Variants in SPSB4 observed in about 807,000 individuals in gnomAD.
The protein encoded by SPSB4 is splA/ryanodine receptor domain and SOCS box containing 4, also known as SPRY domain-containing SOCS box protein 4.
Under a neutral mutation model 20.9 loss-of-function variants are expected in SPSB4, and 21 were observed. That is an observed-to-expected ratio of 1.01 (90% CI 0.71 to 1.45). The LOEUF is 1.45. Among genes scored for constraint, SPSB4 ranks in the 40% most tolerant of loss-of-function variants. The pLI, the probability that SPSB4 is intolerant of heterozygous loss-of-function variation, is 0.00. For missense variants in SPSB4, 399 were observed against 399.2 expected, an observed-to-expected ratio of 1.00 and a Z score of 0.00; for synonymous variants, 207 against 183.8, an observed-to-expected ratio of 1.13 and a Z score of -1.02.
Position 141,064,628 on chromosome 3 carries a change from G to A in SPSB4, c.-153-1324G>A, listed in dbSNP as rs568013502. 2.6e-5 allele frequency among the ~76,000 whole-genome samples: 4 copies of A among 152,304 alleles called. No homozygotes were observed. The South Asian group carries it at 8.3e-4, about 32-fold the overall frequency. The stretch of plus-strand genomic sequence containing the variant: ...TTTGGCTAGGGGTGTACCACTGTCT[G>A]GGTGGGAGGTTGAGGCTGGGGAGGG... On this transcript the variant is annotated intron_variant, in intron 1 of 2. Coordinates refer to ENST00000310546, the MANE Select transcript of SPSB4 (RefSeq NM_080862.3).
chr3:141,120,904 C>T (rs951617700), intron 2 of SPSB4, among the ~76,000 whole-genome samples: 1 of 152,054 alleles, frequency 6.6e-6, no homozygotes. Flanking sequence ...GCATTTAGCC[C>T]ATTTACATTT....
chr3:141,083,596 GTC>G (rs1260025892), intron 2 of SPSB4, among the ~76,000 whole-genome samples: 1 of 152,028 alleles, frequency 6.6e-6, no homozygotes, highest in Non-Finnish European at 1.5e-5. Flanking sequence ...CGGCGGGCAA[GTC>G]TCTGCCTCCA....
At chr3:141,136,778 C>T (rs1369774444) in intron 2 of SPSB4, among the ~76,000 whole-genome samples, 6 of 152,192 alleles carry the variant, frequency 3.9e-5, no homozygotes, top group Admixed American at 6.5e-5. Context: ...TAGCGTGATG[C>T]CTCCAGCTTT....
At position 141,141,290 on chromosome 3, in the gene SPSB4, A is replaced by G. The variant is rs554593541; in HGVS notation, c.695-5852A>G. Among the ~76,000 whole-genome samples the G allele has an allele frequency of 3.9e-5, 6 of 152,264 alleles. No individual in the cohort carries two copies. In the East Asian group the frequency reaches 1.2e-3, roughly 29 times the overall value. ...CCCCTTGCACTTCCCAGGTGAGGCG[A>G]CGCCTCGCCCTGCTTTGGCTCATGC... is the stretch of plus-strand genomic sequence containing the variant. On this transcript the variant is annotated intron_variant, in intron 2 of 2. Coordinates refer to ENST00000310546, the MANE Select transcript of SPSB4 (RefSeq NM_080862.3).
chr3:141,145,271 G>C (rs1013390533), intron 2 of SPSB4, among the ~76,000 whole-genome samples: 1 of 151,736 alleles, frequency 6.6e-6, no homozygotes, highest in Non-Finnish European at 1.5e-5. Flanking sequence ...TGAGTGTTTG[G>C]AGTCACTAGT....
chr3:141,067,728 T>A (rs73868983), intron 2 of SPSB4, among the ~76,000 whole-genome samples: 2 of 152,174 alleles, frequency 1.3e-5, no homozygotes, highest in Non-Finnish European at 2.9e-5. Context: ...CTGAGTTGAA[T>A]CCCAGCTGAG....
chr3:141,144,298 A>G (rs1939378395), intron 2 of SPSB4, among the ~76,000 whole-genome samples: 2 of 152,182 alleles, frequency 1.3e-5, no homozygotes, highest in African/African-American at 4.8e-5. Flanking sequence ...ACTTTTACAT[A>G]TGTTTATTGG....
chr3:141,107,760 C>T (rs546687798), intron 2 of SPSB4, among the ~76,000 whole-genome samples: 1 of 152,160 alleles, frequency 6.6e-6, no homozygotes, highest in African/African-American at 2.4e-5. Context: ...AGTTCAAGAC[C>T]AGCCTGGGCA....
chr3:141,132,995 T>G (rs914674758), intron 2 of SPSB4, among the ~76,000 whole-genome samples: 1 of 152,100 alleles, frequency 6.6e-6, no homozygotes, highest in African/African-American at 2.4e-5. Context: ...TCTTAAATTA[T>G]GGCCATTCTT....
intron 2 of SPSB4, among the ~76,000 whole-genome samples, chr3:141,137,118 C>T (rs1939242029): frequency 6.6e-6 from 1 of 152,142 alleles, no homozygotes; most frequent in Non-Finnish European, 1.5e-5. Flanking sequence ...AATGGGAGTT[C>T]ACTCATGATT....
At chr3:141,059,234 A>G (rs1280238197) in intron 1 of SPSB4, among the ~76,000 whole-genome samples, 1 of 152,140 alleles carries the variant, frequency 6.6e-6, no homozygotes, top group Non-Finnish European at 1.5e-5. Context: ...CTCATGGACT[A>G]ATTATCTCTC....
intron 2 of SPSB4, among the ~76,000 whole-genome samples, chr3:141,133,522 C>T (rs1412490494): frequency 1.3e-5 from 2 of 152,076 alleles, no homozygotes; most frequent in Non-Finnish European, 2.9e-5. Flanking sequence ...CTTGTCAAAT[C>T]CCAGCACCAT....
chr3:141,096,319 T>G (rs1450013223), intron 2 of SPSB4, among the ~76,000 whole-genome samples: 2 of 152,202 alleles, frequency 1.3e-5, no homozygotes, highest in Admixed American at 6.5e-5. Flanking sequence ...AAACACAGGT[T>G]GTAGTAGGAC....
At chr3:141,069,432 G>A (rs1209097100) in intron 2 of SPSB4, among the ~76,000 whole-genome samples, 1 of 152,194 alleles carries the variant, frequency 6.6e-6, no homozygotes, top group Non-Finnish European at 1.5e-5. Context: ...ACCCAAGGTG[G>A]ATTCTGTGCA....
At chr3:141,113,881 A>G (rs1210522834) in intron 2 of SPSB4, among the ~76,000 whole-genome samples, 2 of 152,216 alleles carry the variant, frequency 1.3e-5, no homozygotes, top group African/African-American at 4.8e-5. Flanking sequence ...AGATCGCTTG[A>G]GTCCAGGAGT....
intron 2 of SPSB4, among the ~76,000 whole-genome samples, chr3:141,129,878 A>T (rs1939108258): frequency 6.6e-6 from 1 of 152,252 alleles, no homozygotes; most frequent in African/African-American, 2.4e-5. Flanking sequence ...GTAACTTGAT[A>T]GCTCCGTATC....
Position 141,143,812 on chromosome 3 carries a change from G to A in SPSB4, c.695-3330G>A, listed in dbSNP as rs1296704891. ...TTTCCTGTTTCACAGAATTTGCAGTGGCCTGCTCCTTCTTTTCATTATGTT... is the reference window on the plus strand; with the variant it reads ...TTTCCTGTTTCACAGAATTTGCAGTAGCCTGCTCCTTCTTTTCATTATGTT... On this transcript the variant is annotated intron_variant, in intron 2 of 2. Coordinates refer to ENST00000310546, the MANE Select transcript of SPSB4 (RefSeq NM_080862.3). Among the ~76,000 whole-genome samples the A allele has an allele frequency of 3.3e-5, 5 of 152,282 alleles. No homozygotes were observed. The East Asian group carries it at 9.6e-4, about 29-fold the overall frequency.
chr3:141,120,421 G>A (rs1175228063), intron 2 of SPSB4, among the ~76,000 whole-genome samples: 1 of 152,184 alleles, frequency 6.6e-6, no homozygotes, highest in Non-Finnish European at 1.5e-5. Flanking sequence ...TTCTATAGAT[G>A]TCTATTAGGT....
At chr3:141,056,225 G>T (rs1180572610) in intron 1 of SPSB4, among the ~76,000 whole-genome samples, 1 of 152,244 alleles carries the variant, frequency 6.6e-6, no homozygotes, top group Non-Finnish European at 1.5e-5. Flanking sequence ...CATGTATGGT[G>T]AACTGGAGCT....
Sources: gnomAD v4.1 joint callset for allele counts (sites outside exome capture counted in the v4.1 genomes callset) on GRCh38, gnomAD v4.1.1 for gene constraint, MANE v1.5 for transcripts, NCBI Gene and HGNC (gene_info 2026-07-23, HGNC 2026-07-21) for gene names.